The following DENND5B variants were observed in gnomAD, a reference collection of about 807,000 sequenced individuals.
DENND5B encodes DENN domain containing 5B, also known as DENN domain-containing protein 5B.
A neutral mutation model predicts 140.6 loss-of-function variants in DENND5B; 34 were observed. The ratio of observed to expected loss-of-function variants is 0.24; its 90% CI spans 0.18 to 0.32. The LOEUF is 0.32. DENND5B is among the 10% of genes least tolerant of loss of function. The pLI is 1.00. For synonymous variants in DENND5B, 551 were observed against 562.1 expected, an observed-to-expected ratio of 0.98 and a Z score of 0.28; for missense variants, 1,142 against 1,560.2, an observed-to-expected ratio of 0.73 and a Z score of 4.52.
At chr12:31,490,506 G>C (rs74348965) in intron 2 of DENND5B, among the ~76,000 whole-genome samples, 5,153 of 152,022 alleles carry the variant, frequency 0.034, 125 homozygotes, top group Admixed American at 0.06. Flanking sequence ...CAGCTACTTG[G>C]GGGGCTGAGG....
chr12:31,562,285 A>G (rs182180656), intron 1 of DENND5B, among the ~76,000 whole-genome samples: 1 of 152,318 alleles, frequency 6.6e-6, no homozygotes, highest in East Asian at 1.9e-4. Flanking sequence ...ATTTCATACT[A>G]CAGAATTGCT....
Position 31,544,915 on chromosome 12 carries a change from C to A in DENND5B, c.127+45791G>T, listed in dbSNP as rs541160398. On this transcript the variant is annotated intron_variant, in intron 1 of 20. Coordinates refer to ENST00000389082, the MANE Select transcript of DENND5B (RefSeq NM_144973.4). ...TCCAGGAGATAGAGCAACAAGTTAA[C>A]CACCAAGAAATAGACAATAAACAAA... Among the ~76,000 whole-genome samples, 21 of 152,094 alleles carry A rather than the reference C, an allele frequency of 1.4e-4. No homozygotes were observed. In the East Asian group the frequency reaches 3.9e-3, roughly 28 times the overall value.
chr12:31,492,099 T>C (rs907986344), intron 2 of DENND5B, among the ~76,000 whole-genome samples: 5 of 152,158 alleles, frequency 3.3e-5, no homozygotes, highest in African/African-American at 4.8e-5. Flanking sequence ...TTTCCAGGAG[T>C]ACAAGCAAAT....
At chr12:31,487,826 C>T (rs1946368588) in intron 2 of DENND5B, among the ~76,000 whole-genome samples, 1 of 152,174 alleles carries the variant, frequency 6.6e-6, no homozygotes, top group Non-Finnish European at 1.5e-5. Context: ...AGGCTAAACT[C>T]AAACTTGTTT....
intron 1 of DENND5B, among the ~76,000 whole-genome samples, chr12:31,533,127 T>C (rs1591994721): frequency 2.0e-5 from 3 of 152,340 alleles, no homozygotes; most frequent in East Asian, 1.9e-4. Flanking sequence ...ACATTAAATA[T>C]TGTGAGCTAT....
At chr12:31,455,251 TCTC>T (rs1053474907) in intron 4 of DENND5B, among the ~76,000 whole-genome samples, 3 of 152,148 alleles carry the variant, frequency 2.0e-5, no homozygotes, top group Non-Finnish European at 4.4e-5. Flanking sequence ...TTTCTATCCC[TCTC>T]CTCCTCCTAT....
intron 4 of DENND5B, among the ~76,000 whole-genome samples, chr12:31,454,320 G>T (rs1035010797): frequency 6.6e-6 from 1 of 152,156 alleles, no homozygotes; most frequent in African/African-American, 2.4e-5. Context: ...CCCTCAAACA[G>T]CCTGGTGGCT....
At chr12:31,417,802 A>G (rs1249693448) in intron 11 of DENND5B, among the ~76,000 whole-genome samples, 4 of 152,336 alleles carry the variant, frequency 2.6e-5, no homozygotes, top group Admixed American at 1.3e-4. Flanking sequence ...ATAAAAATGA[A>G]ATTCCAACAT....
rs1940695671 is a variant in DENND5B, at chr12:31,383,008, A to G, written c.*4595T>C. 6.6e-6 allele frequency: 1 copy of G among 152,206 alleles called. No homozygotes were observed. The allele number at this position is 152,206 out of a possible 1,614,324, so 9.4% of individuals were successfully genotyped here. On this transcript the variant is annotated 3_prime_UTR_variant, in exon 21 of 21. Coordinates refer to ENST00000389082, the MANE Select transcript of DENND5B (RefSeq NM_144973.4). ...ACTTATATAAGAAACAGACTTCAAA[A>G]GACATGGATGACTTGGAAATAGGAT...
At chr12:31,509,912 C>T (rs1947344517) in intron 1 of DENND5B, among the ~76,000 whole-genome samples, 1 of 152,098 alleles carries the variant, frequency 6.6e-6, no homozygotes, top group Non-Finnish European at 1.5e-5. Context: ...AACTAAGATA[C>T]CAGTGTCACA....
chr12:31,405,756 C>A (rs1942094997), intron 14 of DENND5B, among the ~76,000 whole-genome samples: 1 of 151,946 alleles, frequency 6.6e-6, no homozygotes, highest in African/African-American at 2.4e-5. Flanking sequence ...TCATCTTGGC[C>A]AGGCTGGTCT....
intron 3 of DENND5B, among the ~76,000 whole-genome samples, chr12:31,476,482 A>AG (rs1945813838): frequency 7.1e-6 from 1 of 141,478 alleles, no homozygotes; most frequent in Non-Finnish European, 1.6e-5. Flanking sequence ...GTGAGAAAGG[A>AG]GAAAAAAAAA....
At chr12:31,399,141 AAAAAGAG>A (rs1228918882) in intron 16 of DENND5B, among the ~76,000 whole-genome samples, 4 of 141,182 alleles carry the variant, frequency 2.8e-5, no homozygotes, top group South Asian at 2.2e-4. Context: ...AAAAAAAAAA[AAAAAGAG>A]AGAGAAAGAA....
In DENND5B at chr12:31,385,584, G is replaced by A. The variant is rs1940816070; in HGVS notation, c.*2019C>T. On this transcript the variant is annotated 3_prime_UTR_variant, in exon 21 of 21. Coordinates refer to ENST00000389082, the MANE Select transcript of DENND5B (RefSeq NM_144973.4). ...ATATCTCCCACGATAAACTTCCCAT[G>A]TCCCTGGAAGAGCTGTACCATTGTA... 1 of 152,248 alleles carries A rather than the reference G, an allele frequency of 6.6e-6. No homozygotes were observed. Among genetic ancestry groups the A allele is most frequent in the African/African-American group, 2.4e-5 (1 of 41,462 alleles). 9.4% of individuals were successfully genotyped at this position (152,248 alleles called of 1,614,324 possible).
chr12:31,415,960 C>T (rs1383374650), intron 11 of DENND5B, among the ~76,000 whole-genome samples: 13 of 150,920 alleles, frequency 8.6e-5, no homozygotes, highest in African/African-American at 3.2e-4. Flanking sequence ...CTCAGTCTCC[C>T]GAGTAGCTGG....
intron 7 of DENND5B, among the ~76,000 whole-genome samples, chr12:31,439,645 A>AG (rs1943937137): frequency 6.6e-6 from 1 of 151,832 alleles, no homozygotes; most frequent in Non-Finnish European, 1.5e-5. Flanking sequence ...AAGGAAAAAA[A>AG]AGCACCGGGT....
chr12:31,455,270 G>C (rs1944717191), intron 4 of DENND5B, among the ~76,000 whole-genome samples: 1 of 152,186 alleles, frequency 6.6e-6, no homozygotes, highest in South Asian at 2.1e-4. Flanking sequence ...CCTATGAAAA[G>C]GGAAAATGAT....
chr12:31,467,288 A>G (rs952569833), intron 3 of DENND5B, among the ~76,000 whole-genome samples: 1 of 152,170 alleles, frequency 6.6e-6, no homozygotes, highest in African/African-American at 2.4e-5. Context: ...ACTGATCTCA[A>G]AAGAAATCTC....
chr12:31,574,801 T>C (rs1037027261), intron 1 of DENND5B, among the ~76,000 whole-genome samples: 5 of 152,202 alleles, frequency 3.3e-5, no homozygotes, highest in African/African-American at 7.2e-5. Context: ...ATGAAGAATA[T>C]ACAAGATTTT....
Sources: gnomAD v4.1 joint callset for allele counts (sites outside exome capture counted in the v4.1 genomes callset) on GRCh38, gnomAD v4.1.1 for gene constraint, MANE v1.5 for transcripts, NCBI Gene and HGNC (gene_info 2026-07-23, HGNC 2026-07-21) for gene names.